The following AKAP9 variants were observed in gnomAD, a reference collection of about 807,000 sequenced individuals.
AKAP9 encodes A-kinase anchor protein 9.
A neutral mutation model predicts 488.5 loss-of-function variants in AKAP9; 311 were observed. The observed-to-expected ratio is 0.64, with a 90% CI of 0.58 to 0.70. The LOEUF (loss-of-function observed/expected upper bound fraction) is 0.70. Ranked by LOEUF, AKAP9 falls within the 30% of genes least tolerant of loss-of-function variation. The pLI, the probability that AKAP9 is intolerant of heterozygous loss-of-function variation, is 0.00. For missense variants in AKAP9, 4,215 were observed against 4,374.5 expected (o/e 0.96, Z 1.03); for synonymous variants, 1,462 against 1,483.5 (o/e 0.99, Z 0.33).
intron 29 of AKAP9, among the ~76,000 whole-genome samples, chr7:92,077,306 T>A (rs1329318697): frequency 6.6e-6 from 1 of 152,042 alleles, no homozygotes; most frequent in Admixed American, 6.5e-5. Context: ...TTAGCCAGGA[T>A]GCTCTCGATC....
In AKAP9 at chr7:92,052,816, A is replaced by C. The variant is rs1159108617; in HGVS notation, c.5459A>C (p.Glu1820Ala). 5.6e-6 allele frequency: 9 copies of C among 1,613,772 alleles called. No individual in the cohort carries two copies. The highest frequency in any genetic ancestry group is 7.6e-6 in the Non-Finnish European group (9 of 1,179,868). ...MWSKVTEEGT[E>A]LSQRLVRSGF... Reference sequence around the variant, plus strand: ...TCAAAAGTAACTGAGGAAGGAACAGAGCTGTCACAACGACTTGTGAGGAGT... The same window carrying C: ...TCAAAAGTAACTGAGGAAGGAACAGCGCTGTCACAACGACTTGTGAGGAGT... The change falls in exon 22 of 50, where the codon GAG becomes GCG. Residue 1820 changes from glutamate (E) to alanine (A), a missense_variant. Glu to Ala is a moderately radical substitution (Grantham distance 107). Around this residue, in one of 5 missense-constraint regions of AKAP9, gnomAD observed 2,361 missense variants for 2,430.0 expected, o/e 0.97. Coordinates refer to ENST00000356239, the MANE Select transcript of AKAP9 (RefSeq NM_005751.5).
At chr7:92,095,691 G>A (rs889620997) in intron 40 of AKAP9, among the ~76,000 whole-genome samples, 4 of 152,124 alleles carry the variant, frequency 2.6e-5, no homozygotes, top group African/African-American at 4.8e-5. Flanking sequence ...TTTTAATAGA[G>A]GTGTTGTTGT....
intron 1 of AKAP9, among the ~76,000 whole-genome samples, chr7:91,959,944 A>G (rs533757009): frequency 5.9e-5 from 9 of 152,320 alleles, no homozygotes; most frequent in East Asian, 3.9e-4. Flanking sequence ...CCTTACTTCA[A>G]CTTCATTTAC....
At chr7:91,998,344 A>C (rs895806504) in intron 7 of AKAP9, among the ~76,000 whole-genome samples, 1 of 141,732 alleles carries the variant, frequency 7.1e-6, no homozygotes, top group Non-Finnish European at 1.5e-5. Context: ...CAAACTTCCC[A>C]TTGGTGCCGT....
chr7:92,103,291 G>A (rs1052838389), intron 46 of AKAP9, among the ~76,000 whole-genome samples: 7 of 150,602 alleles, frequency 4.6e-5, no homozygotes, highest in Non-Finnish European at 1.5e-5. Context: ...TTGGGAGTCT[G>A]AGGCAGGAGA....
At chr7:91,978,174 G>T (rs1412298335) in intron 2 of AKAP9, among the ~76,000 whole-genome samples, 2 of 151,050 alleles carry the variant, frequency 1.3e-5, no homozygotes, top group Non-Finnish European at 2.9e-5. Flanking sequence ...CCTGGGAGGC[G>T]GAGGTTGCAG....
Position 91,994,747 on chromosome 7 carries a change from A to C in AKAP9, c.703A>C (p.Ser235Arg). The C allele has an allele frequency of 6.2e-7, 1 of 1,611,946 alleles. No homozygotes were observed. The change falls in exon 6 of 50, where the codon AGT (serine) becomes CGT (arginine). Residue 235 changes from serine to arginine, a missense_variant. This residue lies in a region of AKAP9 where 2,361 missense variants were observed against 2,430.0 expected (regional missense o/e 0.97). Coordinates refer to ENST00000356239, the MANE Select transcript of AKAP9 (RefSeq NM_005751.5). ...MREFLELTEQ[S>R]QKLQIQFQQL... is the part of the protein sequence containing the mutation. ...AGAATTTTTAGAGTTGACAGAACAG[A>C]GTCAAAAATTACAGATTCAATTTCA... is the stretch of plus-strand genomic sequence containing the variant.
chr7:91,975,928 T>TG (rs202055435), intron 2 of AKAP9, among the ~76,000 whole-genome samples: 125 of 145,872 alleles, frequency 8.6e-4, no homozygotes, highest in Non-Finnish European at 6.5e-4. Context: ...TTTGTTTGTT[T>TG]TTTTTTTTTT....
At chr7:92,102,170 A>AAAATAAAT (rs1554469466) in intron 45 of AKAP9, among the ~76,000 whole-genome samples, 13 of 135,022 alleles carry the variant, frequency 9.6e-5, no homozygotes, top group South Asian at 7.0e-4. Context: ...ATTTAAAAAA[A>AAAATAAAT]AAATAAATAA....
At chr7:91,951,533 C>T (rs1286400738) in intron 1 of AKAP9, among the ~76,000 whole-genome samples, 1 of 152,160 alleles carries the variant, frequency 6.6e-6, no homozygotes, top group Non-Finnish European at 1.5e-5. Context: ...CCATGTTGCC[C>T]AGGCTGGTCT....
At chr7:92,060,689 G>A (rs554685733) in intron 22 of AKAP9, among the ~76,000 whole-genome samples, 2 of 152,214 alleles carry the variant, frequency 1.3e-5, no homozygotes, top group African/African-American at 2.4e-5. Flanking sequence ...GGAGCTTTAG[G>A]TGTTTCACAA....
chr7:92,042,878 A>G, intron 20 of AKAP9, 107 bp downstream of exon 20: 1 of 760,946 alleles, frequency 1.3e-6, no homozygotes, highest in South Asian at 1.4e-5. Flanking sequence ...TTTGTCTTAA[A>G]AATCATCATA....
In AKAP9 at chr7:91,940,981, A is replaced by G. The variant is rs1341350016; in HGVS notation, c.-119A>G. 9.4e-7 allele frequency: 1 copy of G among 1,068,720 alleles called. No individual in the cohort carries two copies. Among genetic ancestry groups the G allele is most frequent in the Non-Finnish European group, 1.5e-6 (1 of 686,080 alleles). 66.2% of individuals were successfully genotyped at this position (1,068,720 alleles called of 1,614,324 possible). A position where few individuals can be genotyped will look rare whatever the true frequency, so the allele number is the denominator to read the frequency against. Reference sequence around the variant, plus strand: ...TCCACTTCGGGCGGGGGAGCGCCGGACCGAATCGGCTCTCTAGGCCGTGGA... The same window carrying G: ...TCCACTTCGGGCGGGGGAGCGCCGGGCCGAATCGGCTCTCTAGGCCGTGGA... On this transcript the variant is annotated 5_prime_UTR_variant, in exon 1 of 50. Coordinates refer to ENST00000356239, the MANE Select transcript of AKAP9 (RefSeq NM_005751.5).
intron 8 of AKAP9, among the ~76,000 whole-genome samples, chr7:92,010,452 G>C (rs1018905228): frequency 6.6e-6 from 1 of 152,210 alleles, no homozygotes; most frequent in Non-Finnish European, 1.5e-5. Context: ...TAGTCAGGGC[G>C]TGCACTACTG....
chr7:91,955,393 C>A (rs1359392366), intron 1 of AKAP9, among the ~76,000 whole-genome samples: 2 of 152,166 alleles, frequency 1.3e-5, no homozygotes, highest in East Asian at 3.9e-4. Context: ...ATATTTGAAA[C>A]CTTTCCTCAT....
In AKAP9 at chr7:92,102,785, C is replaced by G; in HGVS notation, c.11289C>G (p.Thr3763=). The G allele has an allele frequency of 6.2e-7, 1 of 1,614,226 alleles. No homozygotes were observed. Among genetic ancestry groups the G allele is most frequent in the Non-Finnish European group, 8.5e-7 (1 of 1,180,046 alleles). Residue 3763 remains threonine (T), a synonymous_variant, in exon 46 of 50, where the codon ACC becomes ACG. Coordinates refer to ENST00000356239, the MANE Select transcript of AKAP9 (RefSeq NM_005751.5). ...TCACCAATCGCCCAAAGGGCTTCAC[C>G]AGGTTTCGGTCGGCCGTCAGAGTAT... The part of the protein sequence containing the change: ...EVITNRPKGF[T]RFRSAVRVSI...
intron 46 of AKAP9, 93 bp downstream of exon 46, chr7:92,102,919 C>A: frequency 7.1e-6 from 8 of 1,128,548 alleles, no homozygotes; most frequent in Non-Finnish European, 9.2e-6. Context: ...TGGTTATACT[C>A]TATATTTATA....
chr7:91,992,976 G>T lies in AKAP9; in HGVS notation c.497G>T (p.Gly166Val), dbSNP rs201964732. The T allele has an allele frequency of 6.2e-7, 1 of 1,614,052 alleles. No individual in the cohort carries two copies. Among genetic ancestry groups the T allele is most frequent in the Admixed American group, 1.7e-5 (1 of 60,018 alleles). Residue 166 changes from glycine to valine, a missense_variant, in exon 5 of 50, where the codon GGG (glycine) becomes GTG (valine). Gly to Val is a moderately radical substitution (Grantham distance 109, BLOSUM62 -3). Around this residue, in one of 5 missense-constraint regions of AKAP9, gnomAD observed 2,361 missense variants for 2,430.0 expected, o/e 0.97. Coordinates refer to ENST00000356239, the MANE Select transcript of AKAP9 (RefSeq NM_005751.5). The stretch of plus-strand genomic sequence containing the variant: ...GAGATGATGGAAAGTGAGTTGGCTG[G>T]GAAGCAGCATGAGATTGAAGAGCTA... ...HLEMMESELAGKQHEIEELNR... is the reference protein window; with the variant it reads ...HLEMMESELAVKQHEIEELNR...
At position 92,110,108 on chromosome 7, in the gene AKAP9, T is replaced by C. The variant is rs1819119638; in HGVS notation, c.11687-14T>C. 6.3e-7 allele frequency: 1 copy of C among 1,594,144 alleles called. No individual in the cohort carries two copies. The highest frequency in any genetic ancestry group is 8.6e-7 in the Non-Finnish European group (1 of 1,165,884). The stretch of plus-strand genomic sequence containing the variant: ...AATTTGAAATCAGTTGAATTTCCTG[T>C]TTTTCTCTCATAGGTTCAACTACTC... On this transcript the variant is annotated splice_polypyrimidine_tract_variant and intron_variant, in intron 49 of 49. Coordinates refer to ENST00000356239, the MANE Select transcript of AKAP9 (RefSeq NM_005751.5).
Sources: allele counts gnomAD v4.1 joint callset (sites outside exome capture counted in the v4.1 genomes callset), GRCh38; gene constraint gnomAD v4.1.1; regional missense constraint gnomAD v4.1.1; transcripts MANE v1.5; gene names NCBI Gene and HGNC (gene_info 2026-07-23, HGNC 2026-07-21).